The following ZNF426 variants were observed in gnomAD, a reference collection of about 807,000 sequenced individuals.
ZNF426 encodes the protein zinc finger protein 426.
ZNF426 carries 23 observed loss-of-function variants against 24.0 expected under a neutral mutation model. The observed-to-expected ratio is 0.96, with a 90% confidence interval of 0.69 to 1.36. The LOEUF (loss-of-function observed/expected upper bound fraction) is 1.36. Among genes scored for constraint, ZNF426 ranks in the 40% most tolerant of loss-of-function variants. ZNF426 has a pLI of 0.00. For missense variants in ZNF426, 646 were observed against 658.4 expected, an observed-to-expected ratio of 0.98 and a Z score of 0.21; for synonymous variants, 272 against 224.6, an observed-to-expected ratio of 1.21 and a Z score of -1.89.
chr19:9,536,390 C>A, intron 2 of ZNF426, 34 bp from the exon 3 acceptor site: 3 of 1,535,508 alleles, frequency 2.0e-6, no homozygotes, highest in East Asian at 4.8e-5. Context: ...ACAAGCAGTA[C>A]TTAATCATCA....
Position 9,532,903 on chromosome 19 carries a change from A to G in ZNF426, c.267T>C (p.Ser89=). The change falls in exon 6 of 8, where the codon AGT becomes AGC. Residue 89 remains serine, a synonymous_variant. Transcript: ENST00000253115. ...ATVGGQIIKP[S]LISWLEQEES... The stretch of plus-strand genomic sequence containing the variant: ...CTTCTTGTTCCAACCAAGAGATTAG[A>G]CTGGGTTTGATGATCTGACCTCCTG... 2 of 1,614,002 alleles carry G rather than the reference A, an allele frequency of 1.2e-6. 1 individual carries two copies. Among genetic ancestry groups the G allele is most frequent in the Non-Finnish European group, 1.7e-6 (2 of 1,179,926 alleles).
In ZNF426 at chr19:9,536,263, C is replaced by T. The variant is rs763929802; in HGVS notation, c.-31G>A. ...GAGGTGAGAACGTGTCAGAACCCTC[C>T]TTTCATTGATGTCACCATCACTTCA... is the stretch of plus-strand genomic sequence containing the variant. On this transcript the variant is annotated 5_prime_UTR_variant, in exon 3 of 8. Coordinates refer to ENST00000253115, the MANE Select transcript of ZNF426 (RefSeq NM_024106.3). The T allele has an allele frequency of 1.1e-5, 18 of 1,614,100 alleles. No individual in the cohort carries two copies. Among genetic ancestry groups the T allele is most frequent in the Non-Finnish European group, 1.5e-5 (18 of 1,180,044 alleles).
chr19:9,533,346 T>A (rs1457277782), intron 5 of ZNF426, among the ~76,000 whole-genome samples: 1 of 152,096 alleles, frequency 6.6e-6, no homozygotes, highest in Admixed American at 6.5e-5. Context: ...ATCCCAGCTA[T>A]TCGGGAGGCT....
chr19:9,531,908 C>T (rs1327722509), intron 6 of ZNF426, among the ~76,000 whole-genome samples: 1 of 152,152 alleles, frequency 6.6e-6, no homozygotes, highest in Non-Finnish European at 1.5e-5. Flanking sequence ...CGGCATAAAC[C>T]CGGGAGGTGG....
intron 2 of ZNF426, among the ~76,000 whole-genome samples, chr19:9,537,955 C>G (rs961826379): frequency 2.0e-5 from 3 of 152,142 alleles, no homozygotes; most frequent in African/African-American, 7.2e-5. Context: ...TCCTTTCCCT[C>G]TGGAGGTCTG....
intron 2 of ZNF426, 61 bp from the exon 3 acceptor site, chr19:9,536,417 A>C: frequency 6.9e-7 from 1 of 1,451,758 alleles, no homozygotes; most frequent in Non-Finnish European, 9.2e-7. Context: ...AAACATATAC[A>C]CCGGCTGGGG....
rs1280776571 is a variant in ZNF426 at position 9,527,005 on chromosome 19, G to T, written c.*1375C>A. The T allele has an allele frequency of 1.3e-5, 2 of 152,118 alleles. No homozygotes were observed. The highest frequency in any genetic ancestry group is 4.8e-5 in the African/African-American group (2 of 41,398). 9.4% of individuals were successfully genotyped at this position (152,118 alleles called of 1,614,324 possible). On this transcript the variant is annotated 3_prime_UTR_variant, in exon 8 of 8. Transcript: ENST00000253115. The stretch of plus-strand genomic sequence containing the variant: ...TGTATTAGATTACATATGCTAATTT[G>T]TGTGTGTTTATAGGCATAAAAGTGA...
At chr19:9,535,568 A>T (rs1305029310) in intron 3 of ZNF426, among the ~76,000 whole-genome samples, 1 of 152,172 alleles carries the variant, frequency 6.6e-6, no homozygotes, top group Non-Finnish European at 1.5e-5. Context: ...ACACACCTGT[A>T]GTCCCATCTC....
Position 9,529,310 on chromosome 19 carries a change from A to G in ZNF426, c.735T>C (p.Thr245=), listed in dbSNP as rs775476756. 6 of 1,614,064 alleles carry G rather than the reference A, an allele frequency of 3.7e-6. No individual in the cohort carries two copies. The highest frequency in any genetic ancestry group is 5.1e-6 in the Non-Finnish European group (6 of 1,180,006). ...NESYLQAHMR[T]HNGEKLYEWR... is the part of the protein sequence containing the mutation. ...ATTCGTAGAGTTTTTCTCCATTGTG[A>G]GTTCTCATATGTGCCTGAAGGTATG... Residue 245 remains threonine, a synonymous_variant, in exon 8 of 8, where the codon ACT becomes ACC. Coordinates refer to ENST00000253115, the MANE Select transcript of ZNF426 (RefSeq NM_024106.3).
chr19:9,528,669 T>G lies in ZNF426; in HGVS notation c.1376A>C (p.Tyr459Ser). The change falls in exon 8 of 8, where the codon TAT (tyrosine) becomes TCT (serine). Residue 459 changes from tyrosine to serine, a missense_variant. Tyr to Ser is a moderately radical substitution (Grantham distance 144). Coordinates refer to ENST00000253115, the MANE Select transcript of ZNF426 (RefSeq NM_024106.3). ...CATGTGAATTTTAAGGTGGGTGGAA[T>G]AGTTAAAAGCCTTCCCACATTCCTT... is the stretch of plus-strand genomic sequence containing the variant. ...TCKECGKAFNYSTHLKIHMRI... is the reference protein window; with the variant it reads ...TCKECGKAFNSSTHLKIHMRI... 4 of 1,614,174 alleles carry G rather than the reference T, an allele frequency of 2.5e-6. No individual in the cohort carries two copies. The highest frequency in any genetic ancestry group is 2.2e-5 in the South Asian group (2 of 91,084).
At chr19:9,536,427 G>A (rs1336490923) in intron 2 of ZNF426, 71 bp from the exon 3 acceptor site, 2 of 1,422,372 alleles carry the variant, frequency 1.4e-6, no homozygotes, top group Non-Finnish European at 1.9e-6. Flanking sequence ...ACCGGCTGGG[G>A]CAGTAGCTCA....
chr19:9,536,295 C>G lies in ZNF426; in HGVS notation c.-63G>C. The G allele has an allele frequency of 6.2e-7, 1 of 1,614,026 alleles. No individual in the cohort carries two copies. On this transcript the variant is annotated 5_prime_UTR_variant, in exon 3 of 8. Coordinates refer to ENST00000253115, the MANE Select transcript of ZNF426 (RefSeq NM_024106.3). ...TGATGTCACCATCACTTCAGGACACCTCATTAATCTAAATGGACAGTGGCA... is the reference window on the plus strand; with the variant it reads ...TGATGTCACCATCACTTCAGGACACGTCATTAATCTAAATGGACAGTGGCA...
chr19:9,537,649 G>A lies in ZNF426; in HGVS notation c.-125+610C>T, dbSNP rs534637966. Among the ~76,000 whole-genome samples, 28 of 149,216 alleles carry A rather than the reference G, an allele frequency of 1.9e-4. No homozygotes were observed. The Middle Eastern group carries it at 0.01, about 55-fold the overall frequency. ...GTAGCTTAAAATGCACACATCCTTC[G>A]TTTCTCTTTTTTTTCTTTTGAGACG... On this transcript the variant is annotated intron_variant, in intron 2 of 7. Coordinates refer to ENST00000253115, the MANE Select transcript of ZNF426 (RefSeq NM_024106.3).
intron 4 of ZNF426, among the ~76,000 whole-genome samples, chr19:9,534,886 T>C (rs567449749): frequency 1.4e-4 from 22 of 152,242 alleles, no homozygotes; most frequent in Admixed American, 1.3e-3. Flanking sequence ...TAAGCCACCA[T>C]GCCCGGCCTG....
chr19:9,536,472 G>T, intron 2 of ZNF426, 116 bp from the exon 3 acceptor site: 1 of 981,970 alleles, frequency 1.0e-6, no homozygotes, highest in South Asian at 1.7e-5. Context: ...AGGCCAGGGT[G>T]GGAGGACTGC....
intron 6 of ZNF426, among the ~76,000 whole-genome samples, chr19:9,532,503 GC>G (rs2144772905): frequency 6.6e-6 from 1 of 151,892 alleles, no homozygotes; most frequent in African/African-American, 2.4e-5. Context: ...TCGGTATGTT[GC>G]CCAGGCTGGT....
chr19:9,533,980 C>T lies in ZNF426; in HGVS notation c.118-14G>A. 6.2e-7 allele frequency: 1 copy of T among 1,611,002 alleles called. No individual in the cohort carries two copies. Among genetic ancestry groups the T allele is most frequent in the Non-Finnish European group, 8.5e-7 (1 of 1,178,902 alleles). On this transcript the variant is annotated splice_polypyrimidine_tract_variant and intron_variant, in intron 4 of 7. Transcript: ENST00000253115. ...GGTCACTGAATCCTAAAGCATCACA[C>T]ACATGCTGGTTGGAGCCAAGTAACA...
chr19:9,535,010 C>T (rs989161535), intron 4 of ZNF426, among the ~76,000 whole-genome samples, 178 bp downstream of exon 4: 1 of 148,804 alleles, frequency 6.7e-6, no homozygotes, highest in Admixed American at 6.8e-5. Flanking sequence ...GCCTGGAGAC[C>T]GGAGCTTGCA....
rs149842115 is a variant in ZNF426, at chr19:9,528,723, G to A, written c.1322C>T (p.Thr441Met). The change falls in exon 8 of 8, where the codon ACG (threonine) becomes ATG (methionine). Residue 441 changes from threonine to methionine, a missense_variant. Transcript: ENST00000253115. ...GGTGTATGGTTTCTGGGCACTGTGCGTTCGCATGTGATTATTAAGACATGA... is the reference window on the plus strand; with the variant it reads ...GGTGTATGGTTTCTGGGCACTGTGCATTCGCATGTGATTATTAAGACATGA... ...YPSCLNNHMR[T>M]HSAQKPYTCK... is the part of the protein sequence containing the mutation. 1.1e-4 allele frequency: 176 copies of A among 1,614,088 alleles called. No individual in the cohort carries two copies. Among genetic ancestry groups the A allele is most frequent in the African/African-American group, 2.5e-4 (19 of 75,028 alleles).
Sources: gnomAD v4.1 joint callset for allele counts (sites outside exome capture counted in the v4.1 genomes callset) on GRCh38, gnomAD v4.1.1 for gene constraint, MANE v1.5 for transcripts, NCBI Gene and HGNC (gene_info 2026-07-23, HGNC 2026-07-21) for gene names.